The following SGCG variants were observed in gnomAD, a reference collection of about 807,000 sequenced individuals.
SGCG encodes gamma-sarcoglycan.
SGCG carries 26 observed loss-of-function variants against 29.3 expected under a neutral mutation model. The ratio of observed to expected loss-of-function variants is 0.89; its 90% CI spans 0.65 to 1.23. The LOEUF (loss-of-function observed/expected upper bound fraction) is 1.23, where lower values mean the gene tolerates loss of function less well. Ranked by LOEUF, SGCG falls within the 50% of genes most tolerant of loss-of-function variation. The pLI, the probability that SGCG is intolerant of heterozygous loss-of-function variation, is 0.00. For synonymous variants in SGCG, 145 were observed against 129.7 expected (o/e 1.12, Z -0.80); for missense variants, 353 against 356.0 (o/e 0.99, Z 0.07).
chr13:23,205,694 T>C (rs1455859686), intron 2 of SGCG, among the ~76,000 whole-genome samples: 1 of 152,132 alleles, frequency 6.6e-6, no homozygotes, highest in Non-Finnish European at 1.5e-5. Flanking sequence ...ATTTCACTGA[T>C]GGAGAAGGGC....
At chr13:23,187,290 G>T (rs563017594) in intron 1 of SGCG, among the ~76,000 whole-genome samples, 27 of 152,238 alleles carry the variant, frequency 1.8e-4, no homozygotes, top group African/African-American at 6.5e-4. Flanking sequence ...CCTCCTTGAT[G>T]CCCAATAGGT....
At chr13:23,275,997 CA>C (rs1170357258) in intron 4 of SGCG, among the ~76,000 whole-genome samples, 1 of 152,094 alleles carries the variant, frequency 6.6e-6, no homozygotes, top group Admixed American at 6.6e-5. Flanking sequence ...GCTAATTTCC[CA>C]AACTTAATTA....
At chr13:23,286,625 C>G (rs1370963438) in intron 5 of SGCG, among the ~76,000 whole-genome samples, 3 of 152,146 alleles carry the variant, frequency 2.0e-5, no homozygotes, top group Non-Finnish European at 4.4e-5. Context: ...TACATACATA[C>G]TGTGATAAAG....
chr13:23,310,375 C>A (rs529074513), intron 6 of SGCG, among the ~76,000 whole-genome samples: 3 of 152,008 alleles, frequency 2.0e-5, no homozygotes, highest in Non-Finnish European at 4.4e-5. Context: ...CGTGAGCCAC[C>A]GCGCCGGGCC....
At chr13:23,210,293 A>G (rs538883351) in intron 2 of SGCG, among the ~76,000 whole-genome samples, 2 of 152,340 alleles carry the variant, frequency 1.3e-5, no homozygotes, top group South Asian at 4.1e-4. Context: ...TTAGCTCATC[A>G]TAATTGAGGA....
At chr13:23,281,069 T>A (rs890941345) in intron 5 of SGCG, among the ~76,000 whole-genome samples, 18 of 152,286 alleles carry the variant, frequency 1.2e-4, no homozygotes, top group African/African-American at 4.1e-4. Context: ...GCAGAGTGGT[T>A]CACACCTGTA....
At chr13:23,169,806 T>C in the SGCG span, 1 of 152,070 alleles carries the variant, frequency 6.6e-6, no homozygotes, top group African/African-American at 2.4e-5. Context: ...TTCTTCGTGT[T>C]GCAAATGATC....
chr13:23,218,366 T>C (rs529414137), intron 2 of SGCG, among the ~76,000 whole-genome samples: 1 of 152,184 alleles, frequency 6.6e-6, no homozygotes, highest in African/African-American at 2.4e-5. Flanking sequence ...AAACACCAAA[T>C]ATACCACTGG....
intron 5 of SGCG, among the ~76,000 whole-genome samples, chr13:23,283,629 T>C (rs1336575032): frequency 6.6e-6 from 1 of 152,234 alleles, no homozygotes; most frequent in Non-Finnish European, 1.5e-5. Flanking sequence ...AGGTTAATAC[T>C]GTTATGTGTG....
chr13:23,241,808 A>G (rs1385109074), intron 3 of SGCG, among the ~76,000 whole-genome samples: 1 of 152,220 alleles, frequency 6.6e-6, no homozygotes, highest in African/African-American at 2.4e-5. Flanking sequence ...ACCATACATC[A>G]CATCAATAGA....
At chr13:23,261,332 A>G (rs1854440181) in intron 4 of SGCG, among the ~76,000 whole-genome samples, 1 of 152,086 alleles carries the variant, frequency 6.6e-6, no homozygotes. Flanking sequence ...ACTTTTGGAA[A>G]TGAAAGACAC....
intron 1 of SGCG, among the ~76,000 whole-genome samples, chr13:23,197,158 T>C (rs1378089958): frequency 2.6e-5 from 4 of 152,328 alleles, no homozygotes; most frequent in African/African-American, 9.6e-5. Flanking sequence ...CACAAAGCTG[T>C]ATCATCACAA....
At chr13:23,186,218 C>T (rs1876965762) in intron 1 of SGCG, among the ~76,000 whole-genome samples, 1 of 152,216 alleles carries the variant, frequency 6.6e-6, no homozygotes, top group African/African-American at 2.4e-5. Context: ...CAACCCCTAA[C>T]CAGTCCCAAT....
intron 1 of SGCG, among the ~76,000 whole-genome samples, chr13:23,183,996 G>C (rs596425): frequency 0.72 from 110,233 of 152,208 alleles, 40,179 homozygotes; most frequent in East Asian, 0.93. Flanking sequence ...GTTAATCTTG[G>C]TGAAACAATA....
chr13:23,275,288 G>C (rs1593213120), intron 4 of SGCG, among the ~76,000 whole-genome samples: 1 of 152,008 alleles, frequency 6.6e-6, no homozygotes, highest in South Asian at 2.1e-4. Context: ...GCAGAGGTGG[G>C]CGGATCACTT....
intron 6 of SGCG, among the ~76,000 whole-genome samples, chr13:23,310,776 C>G (rs574002463): frequency 6.6e-6 from 1 of 151,950 alleles, no homozygotes; most frequent in South Asian, 2.1e-4. Context: ...CAATGATTGT[C>G]TTTTGTTTAT....
intron 1 of SGCG, among the ~76,000 whole-genome samples, chr13:23,201,147 G>C (rs1213688339): frequency 6.8e-6 from 1 of 146,174 alleles, no homozygotes; most frequent in Non-Finnish European, 1.5e-5. Context: ...GGTGAAAGAC[G>C]ATGGCAGAGG....
chr13:23,301,681 G>A (rs1882164878), intron 6 of SGCG, among the ~76,000 whole-genome samples: 2 of 152,296 alleles, frequency 1.3e-5, no homozygotes, highest in Non-Finnish European at 2.9e-5. Context: ...GAGGTCGGGA[G>A]TTTGAGACCA....
chr13:23,275,503 T>A (rs201394659), intron 4 of SGCG, among the ~76,000 whole-genome samples: 6 of 145,592 alleles, frequency 4.1e-5, no homozygotes, highest in Non-Finnish European at 4.5e-5. Context: ...ACCCTGTCTT[T>A]AAAAAAAAAA....
Sources: gnomAD v4.1 joint callset for allele counts (sites outside exome capture counted in the v4.1 genomes callset) on GRCh38, gnomAD v4.1.1 for gene constraint, MANE v1.5 for transcripts, NCBI Gene and HGNC (gene_info 2026-07-23, HGNC 2026-07-21) for gene names.